USP35: variants seen among roughly 807,000 people sequenced by gnomAD.
USP35 encodes ubiquitin carboxyl-terminal hydrolase 35.
USP35 carries 69 observed loss-of-function variants against 83.8 expected under a neutral mutation model. The ratio of observed to expected loss-of-function variants is 0.82; its 90% CI spans 0.68 to 1.01. The LOEUF (loss-of-function observed/expected upper bound fraction) is 1.01, where lower values mean the gene tolerates loss of function less well. USP35 is among the 50% of genes least tolerant of loss of function. USP35 has a pLI of 0.00. For missense variants in USP35, 1,503 were observed against 1,362.5 expected, an observed-to-expected ratio of 1.10 and a Z score of -1.62; for synonymous variants, 714 against 589.5, an observed-to-expected ratio of 1.21 and a Z score of -3.06.
Position 78,209,871 on chromosome 11 carries a change from T to C in USP35, c.2016T>C (p.Ser672=). 1 of 1,606,318 alleles carries C rather than the reference T, an allele frequency of 6.2e-7. No individual in the cohort carries two copies. Among genetic ancestry groups the C allele is most frequent in the Non-Finnish European group, 8.5e-7 (1 of 1,176,986 alleles). ...LDSKEAGGQS[S]QEERIEREEE... ...CCAAGGAAGCTGGTGGGCAGAGCAG[T>C]CAGGAGGAAAGGATAGAGAGGGAGG... The change falls in exon 10 of 11, where the codon AGT becomes AGC. Residue 672 remains serine (S), a synonymous_variant. Coordinates refer to ENST00000529308, the MANE Select transcript of USP35 (RefSeq NM_020798.4).
downstream of USP35, chr11:78,219,439 G>T (rs760451268): frequency 1.1e-5 from 18 of 1,612,088 alleles, no homozygotes; most frequent in South Asian, 2.0e-4. Context: ...GTGGGAAAGA[G>T]GGAGTAGCTG....
Position 78,209,885 on chromosome 11 carries a change from TAG to T in USP35, c.2035_2036del (p.Arg679GlyfsTer49), listed in dbSNP as rs762612190. 4.4e-6 allele frequency: 7 copies of T among 1,597,304 alleles called. No individual in the cohort carries two copies. The highest frequency in any genetic ancestry group is 1.1e-5 in the South Asian group (1 of 89,750). ...GGGCAGAGCAGTCAGGAGGAAAGGA[TAG>T]AGAGGGAGGAAGAAGGGAAGGAGGA... On this transcript the variant is annotated frameshift_variant, in exon 10 of 11. Coordinates refer to ENST00000529308, the MANE Select transcript of USP35 (RefSeq NM_020798.4). LOFTEE classifies it high-confidence loss of function.
the USP35 span, among the ~76,000 whole-genome samples, chr11:78,222,970 G>A: frequency 6.6e-6 from 1 of 152,178 alleles, no homozygotes; most frequent in Non-Finnish European, 1.5e-5. Context: ...AGCCACAGTG[G>A]AGGAAGGTAG....
rs1190602457 is a variant in USP35, at chr11:78,209,814, C to A, written c.1959C>A (p.Pro653=). ...AACACTGCATCACAGAGGACACCCC[C>A]CCCACCAGCCTGTACATCGAAGGCC... ...QRKHCITEDT[P]PTSLYIEGLD... The change falls in exon 10 of 11, where the codon CCC becomes CCA. Residue 653 remains proline (P), a synonymous_variant. Transcript: ENST00000529308. 1 of 1,613,616 alleles carries A rather than the reference C, an allele frequency of 6.2e-7. No individual in the cohort carries two copies. The highest frequency in any genetic ancestry group is 2.2e-5 in the East Asian group (1 of 44,818).
intron 8 of USP35, among the ~76,000 whole-genome samples, 182 bp from the exon 9 acceptor site, chr11:78,208,673 CAG>C (rs1306154901): frequency 6.6e-6 from 1 of 152,184 alleles, no homozygotes; most frequent in Non-Finnish European, 1.5e-5. Context: ...CAGCCCTGCT[CAG>C]AGGCGTGGAC....
intron 6 of USP35, among the ~76,000 whole-genome samples, chr11:78,204,289 AG>A (rs1169267858): frequency 6.6e-6 from 1 of 152,346 alleles, no homozygotes; most frequent in East Asian, 1.9e-4. Flanking sequence ...AGCAAATTAT[AG>A]GATTTTACTG....
intron 7 of USP35, 148 bp downstream of exon 7, chr11:78,206,183 A>G: frequency 9.1e-7 from 1 of 1,099,904 alleles, no homozygotes; most frequent in Non-Finnish European, 1.3e-6. Flanking sequence ...CTGTGGGGAC[A>G]GAGAGCCTCA....
At chr11:78,203,864 C>T (rs1465120369) in intron 6 of USP35, among the ~76,000 whole-genome samples, 1 of 148,652 alleles carries the variant, frequency 6.7e-6, no homozygotes, top group African/African-American at 2.5e-5. Flanking sequence ...AGGTGTGAGC[C>T]ACTGTACCCA....
chr11:78,211,925 G>A (rs1357376273), intron 10 of USP35, among the ~76,000 whole-genome samples: 1 of 152,036 alleles, frequency 6.6e-6, no homozygotes, highest in Non-Finnish European at 1.5e-5. Flanking sequence ...CTTGTACTCC[G>A]CATAAGCTCT....
At chr11:78,225,223 C>G in the USP35 span, 1 of 1,488,074 alleles carries the variant, frequency 6.7e-7, no homozygotes, top group Non-Finnish European at 9.4e-7. Context: ...AAGGAGGATT[C>G]ATAAGTACTC....
At chr11:78,204,045 T>C (rs1027009116) in intron 6 of USP35, among the ~76,000 whole-genome samples, 10 of 150,058 alleles carry the variant, frequency 6.7e-5, no homozygotes, top group Admixed American at 1.3e-4. Flanking sequence ...CGCCCGCCAC[T>C]ACGCCCGGCT....
downstream of USP35, chr11:78,219,356 C>T (rs115203824): frequency 1.9e-3 from 3,077 of 1,613,920 alleles, 58 homozygotes; most frequent in African/African-American, 0.038. Context: ...CCTGGGTCTT[C>T]TCCTTGTCCA....
downstream of USP35, chr11:78,216,221 C>T (rs1864139103): frequency 6.6e-6 from 1 of 152,452 alleles, no homozygotes; most frequent in Non-Finnish European, 1.5e-5. Context: ...TCTCACTTGA[C>T]TTAACCTTGC....
In USP35 at chr11:78,210,434, G is replaced by A; in HGVS notation, c.2579G>A (p.Ser860Asn). The A allele has an allele frequency of 6.2e-7, 1 of 1,614,178 alleles. No homozygotes were observed. The highest frequency in any genetic ancestry group is 8.5e-7 in the Non-Finnish European group (1 of 1,180,044). The stretch of plus-strand genomic sequence containing the variant: ...GTGCACTCTGGAGTGTCTTCGGAGA[G>A]TGGTCACTACTACTGCTATGCCCGT... ...VVVHSGVSSE[S>N]GHYYCYAREG... Residue 860 changes from serine to asparagine, a missense_variant, in exon 10 of 11, where the codon AGT becomes AAT. Physicochemically the swap from Ser to Asn is conservative, Grantham distance 46 (BLOSUM62 1). Coordinates refer to ENST00000529308, the MANE Select transcript of USP35 (RefSeq NM_020798.4).
chr11:78,213,377 C>G (rs1024829359), intron 10 of USP35, among the ~76,000 whole-genome samples: 2 of 152,188 alleles, frequency 1.3e-5, no homozygotes, highest in Non-Finnish European at 2.9e-5. Context: ...CCTCAGACCT[C>G]TCGGTACCAC....
At chr11:78,207,369 A>G in intron 7 of USP35, 161 bp from the exon 8 acceptor site, 1 of 650,948 alleles carries the variant, frequency 1.5e-6, no homozygotes, top group Non-Finnish European at 2.7e-6. Context: ...TGAGTTGTTC[A>G]CCTGCTCCTC....
chr11:78,194,706 T>C (rs1863091789), intron 1 of USP35, among the ~76,000 whole-genome samples: 1 of 152,184 alleles, frequency 6.6e-6, no homozygotes, highest in Non-Finnish European at 1.5e-5. Context: ...AAGGCTATTA[T>C]GGCTCAGAGG....
chr11:78,199,630 A>C lies in USP35; in HGVS notation c.842A>C (p.Asn281Thr), dbSNP rs1270965129. ...TGGGTGTCCTGGCCCCTGGGGAAGA[A>C]TATTGACAAGTGGATCATTGCACTG... The part of the protein sequence containing the change: ...IDWVSWPLGK[N>T]IDKWIIALLK... Residue 281 changes from asparagine to threonine, a missense_variant, in exon 4 of 11, where the codon AAT (asparagine) becomes ACT (threonine). Transcript: ENST00000529308. 6.2e-7 allele frequency: 1 copy of C among 1,614,104 alleles called. No individual in the cohort carries two copies. Among genetic ancestry groups the C allele is most frequent in the Non-Finnish European group, 8.5e-7 (1 of 1,179,996 alleles).
rs200953099 is a variant in USP35 at position 78,210,376 on chromosome 11, C to T, written c.2521C>T (p.Arg841Cys). Residue 841 changes from arginine to cysteine, a missense_variant, in exon 10 of 11, where the codon CGT becomes TGT. Physicochemically the swap from Arg to Cys is radical, Grantham distance 180. Transcript: ENST00000529308. ...GCTCCGCCTGCCACTGGCTGGTGGCCGTGGCCAGGCCTATGACCTCTGCAG... is the reference window on the plus strand; with the variant it reads ...GCTCCGCCTGCCACTGGCTGGTGGCTGTGGCCAGGCCTATGACCTCTGCAG... ...LLLRLPLAGG[R>C]GQAYDLCSVV... The T allele has an allele frequency of 8.4e-4, 1,348 of 1,613,572 alleles. 3 individuals carry two copies. The highest frequency in any genetic ancestry group is 1.3e-3 in the Admixed American group (79 of 60,034).
Sources: gnomAD v4.1 joint callset for allele counts (sites outside exome capture counted in the v4.1 genomes callset) on GRCh38, gnomAD v4.1.1 for gene constraint, MANE v1.5 for transcripts, NCBI Gene and HGNC (gene_info 2026-07-23, HGNC 2026-07-21) for gene names.